The following IFT140 variants were observed in gnomAD, a reference collection of about 807,000 sequenced individuals.
The protein encoded by IFT140 is intraflagellar transport 140.
IFT140 carries 133 observed loss-of-function variants against 164.6 expected under a neutral mutation model. That is an observed-to-expected ratio of 0.81 (90% confidence interval 0.70 to 0.93). The LOEUF is 0.93. Among genes scored for constraint, IFT140 ranks in the 40% least tolerant of loss-of-function variants. The pLI is 0.00. For missense variants in IFT140, 2,045 were observed against 1,972.3 expected (o/e 1.04, Z -0.70); for synonymous variants, 860 against 817.3 (o/e 1.05, Z -0.89).
At chr16:1,581,949 C>T (rs1431342573) in intron 12 of IFT140, among the ~76,000 whole-genome samples, 1 of 151,784 alleles carries the variant, frequency 6.6e-6, no homozygotes, top group African/African-American at 2.4e-5. Context: ...GAGGGAGAGG[C>T]GGAAACTAGT....
intron 30 of IFT140, chr16:1,514,780 A>G (rs2040294080): frequency 6.6e-6 from 1 of 152,222 alleles, no homozygotes; most frequent in Non-Finnish European, 1.5e-5. Flanking sequence ...CTCAAAAGGC[A>G]AGTAATGGAG....
chr16:1,563,667 C>T (rs1240268662), intron 17 of IFT140, among the ~76,000 whole-genome samples: 1 of 152,098 alleles, frequency 6.6e-6, no homozygotes, highest in East Asian at 2.0e-4. Flanking sequence ...ATAGAGGTGG[C>T]ATCGAGGTTA....
intron 15 of IFT140, among the ~76,000 whole-genome samples, chr16:1,567,849 C>T (rs2033803382): frequency 6.6e-6 from 1 of 152,238 alleles, no homozygotes; most frequent in Non-Finnish European, 1.5e-5. Context: ...GGCTCTCCAA[C>T]AGTCCTGTGC....
At chr16:1,547,800 C>T (rs148636138) in intron 19 of IFT140, among the ~76,000 whole-genome samples, 4 of 152,280 alleles carry the variant, frequency 2.6e-5, no homozygotes, top group East Asian at 1.9e-4. Flanking sequence ...CCTCCCACAG[C>T]GCTGGGATTA....
At chr16:1,606,595 G>A (rs1596469311) in intron 3 of IFT140, among the ~76,000 whole-genome samples, 1 of 152,082 alleles carries the variant, frequency 6.6e-6, no homozygotes, top group African/African-American at 2.4e-5. Flanking sequence ...CGAGTAGCTG[G>A]GATTACAAGC....
chr16:1,543,172 C>T (rs1211371605), intron 19 of IFT140, among the ~76,000 whole-genome samples: 1 of 152,252 alleles, frequency 6.6e-6, no homozygotes, highest in East Asian at 1.9e-4. Flanking sequence ...TGAGCATGAC[C>T]AGCACGGAGC....
At chr16:1,552,444 C>T (rs920300658) in intron 19 of IFT140, among the ~76,000 whole-genome samples, 1 of 152,138 alleles carries the variant, frequency 6.6e-6, no homozygotes, top group Admixed American at 6.5e-5. Context: ...ACAACCCACA[C>T]CCCACCGGCA....
intron 19 of IFT140, among the ~76,000 whole-genome samples, chr16:1,530,433 C>A (rs1358036214): frequency 6.6e-6 from 1 of 152,112 alleles, no homozygotes; most frequent in Non-Finnish European, 1.5e-5. Flanking sequence ...GCCCGGCCCA[C>A]AACTGGAATC....
intron 6 of IFT140, among the ~76,000 whole-genome samples, chr16:1,591,583 A>G (rs1174249220): frequency 6.6e-6 from 1 of 152,132 alleles, no homozygotes; most frequent in African/African-American, 2.4e-5. Flanking sequence ...CTAGTGTCAC[A>G]TGGCTGTAAG....
chr16:1,562,633 G>A (rs530811590), intron 17 of IFT140, among the ~76,000 whole-genome samples: 14 of 152,216 alleles, frequency 9.2e-5, no homozygotes, highest in African/African-American at 3.1e-4. Flanking sequence ...TTAGCCAGGC[G>A]TGGTGGTAGG....
rs959883549 is a variant in IFT140 at position 1,553,953 on chromosome 16, C to T, written c.2399+3982G>A. The T allele has an allele frequency of 4.7e-5, 60 of 1,287,008 alleles. No individual in the cohort carries two copies. The African/African-American group carries it at 8.8e-4, about 19-fold the overall frequency. 79.7% of individuals were successfully genotyped at this position (1,287,008 alleles called of 1,614,324 possible). A position where few individuals can be genotyped will look rare whatever the true frequency, so the allele number is the denominator to read the frequency against. ...CTCAAAGATAAAACTGTAAGTGAAA[C>T]TGTAGCATCAGCGACTAACTAGACG... On this transcript the variant is annotated intron_variant, in intron 19 of 30. Transcript: ENST00000426508. The surrounding 1 kb of genome is among the most constrained non-coding windows in gnomAD (Gnocchi z 4.4).
intron 4 of IFT140, among the ~76,000 whole-genome samples, chr16:1,593,474 G>A (rs1259025271): frequency 2.0e-5 from 3 of 152,056 alleles, no homozygotes; most frequent in Non-Finnish European, 2.9e-5. Context: ...ACCACACCCA[G>A]CTAATTTTTG....
At chr16:1,563,252 G>C (rs1372863737) in intron 17 of IFT140, among the ~76,000 whole-genome samples, 2 of 151,882 alleles carry the variant, frequency 1.3e-5, no homozygotes, top group Non-Finnish European at 2.9e-5. Flanking sequence ...AACCAAGGGT[G>C]GATTTGCTTC....
In IFT140 at chr16:1,568,338, C is replaced by T. The variant is rs750603473; in HGVS notation, c.1653-4G>A. On this transcript the variant is annotated splice_polypyrimidine_tract_variant and splice_region_variant and intron_variant, in intron 14 of 30. Coordinates refer to ENST00000426508, the MANE Select transcript of IFT140 (RefSeq NM_014714.4). ...GCTACAGTGTGCTTTGGCCTCTCTGCAGGGAGGAAGAGGGACCTCAGTGCC... is the reference window on the plus strand; with the variant it reads ...GCTACAGTGTGCTTTGGCCTCTCTGTAGGGAGGAAGAGGGACCTCAGTGCC... 4.1e-5 allele frequency: 66 copies of T among 1,612,084 alleles called. No homozygotes were observed. The highest frequency in any genetic ancestry group is 3.3e-4 in the Middle Eastern group (2 of 6,080).
intron 3 of IFT140, among the ~76,000 whole-genome samples, chr16:1,606,652 G>A (rs1274186975): frequency 6.6e-6 from 1 of 152,082 alleles, no homozygotes; most frequent in Non-Finnish European, 1.5e-5. Flanking sequence ...TAGAGATGGG[G>A]TTTCTCCATG....
At position 1,589,649 on chromosome 16, in the gene IFT140, G is replaced by C. The variant is rs762138817; in HGVS notation, c.766C>G (p.Leu256Val). The C allele has an allele frequency of 6.2e-7, 1 of 1,614,158 alleles. No homozygotes were observed. The highest frequency in any genetic ancestry group is 8.5e-7 in the Non-Finnish European group (1 of 1,180,026). The change falls in exon 7 of 31, where the codon CTG becomes GTG. Residue 256 changes from leucine to valine, a missense_variant. Coordinates refer to ENST00000426508, the MANE Select transcript of IFT140 (RefSeq NM_014714.4). ...TTGCCCTCAGGAGGCACCGTGTACAGGGACAGCCGGAGGTTCTCTGTGACC... is the reference window on the plus strand; with the variant it reads ...TTGCCCTCAGGAGGCACCGTGTACACGGACAGCCGGAGGTTCTCTGTGACC... ...VVVTENLRLS[L>V]YTVPPEGKAE... is the part of the protein sequence containing the mutation.
intron 19 of IFT140, among the ~76,000 whole-genome samples, chr16:1,543,376 G>A (rs1303334502): frequency 6.6e-6 from 1 of 152,368 alleles, no homozygotes; most frequent in East Asian, 1.9e-4. Flanking sequence ...TTCCTGTGCT[G>A]GAAAGTGCCC....
At chr16:1,511,842 G>A (rs182229675) in intron 30 of IFT140, among the ~76,000 whole-genome samples, 7 of 152,058 alleles carry the variant, frequency 4.6e-5, no homozygotes, top group Admixed American at 6.5e-5. Context: ...GACACAGGAC[G>A]TAAGGGCACA....
chr16:1,593,029 G>A (rs1347788216), intron 4 of IFT140, among the ~76,000 whole-genome samples: 2 of 151,082 alleles, frequency 1.3e-5, no homozygotes, highest in Non-Finnish European at 2.9e-5. Context: ...TGGGACAGGT[G>A]TCCTGGCAGA....
Sources: gnomAD v4.1 joint callset for allele counts (sites outside exome capture counted in the v4.1 genomes callset) on GRCh38, gnomAD v4.1.1 for gene constraint, Gnocchi (gnomAD v3.1) non-coding constraint, MANE v1.5 for transcripts, NCBI Gene and HGNC (gene_info 2026-07-23, HGNC 2026-07-21) for gene names.